The following ADARB2 variants were observed in gnomAD, a reference collection of about 807,000 sequenced individuals.
ADARB2 encodes the protein inactive double-stranded RNA-specific editase B2.
Under a neutral mutation model 62.2 loss-of-function variants are expected in ADARB2, and 25 were observed. The ratio of observed to expected loss-of-function variants is 0.40; its 90% CI spans 0.29 to 0.56. The LOEUF (loss-of-function observed/expected upper bound fraction) is 0.56, where lower values mean the gene tolerates loss of function less well. ADARB2 is among the 20% of genes least tolerant of loss of function. The pLI is 0.43. For missense variants in ADARB2, 1,071 were observed against 1,077.4 expected (o/e 0.99, Z 0.08); for synonymous variants, 572 against 500.8 (o/e 1.14, Z -1.90).
intron 8 of ADARB2, among the ~76,000 whole-genome samples, chr10:1,188,835 A>T (rs1276593944): frequency 6.6e-6 from 1 of 151,752 alleles, no homozygotes; most frequent in Non-Finnish European, 1.5e-5. Context: ...GCCGTTAATG[A>T]CTCTTTCCAT....
At chr10:1,204,509 G>A (rs1049936174) in intron 7 of ADARB2, among the ~76,000 whole-genome samples, 1 of 152,226 alleles carries the variant, frequency 6.6e-6, no homozygotes, top group African/African-American at 2.4e-5. Flanking sequence ...CACAGCTCTC[G>A]TGCCTCTGAA....
At chr10:1,304,019 TA>T (rs1158040517) in intron 3 of ADARB2, among the ~76,000 whole-genome samples, 1 of 152,004 alleles carries the variant, frequency 6.6e-6, no homozygotes, top group African/African-American at 2.4e-5. Flanking sequence ...AATTCACACA[TA>T]ACACTATTAA....
intron 3 of ADARB2, among the ~76,000 whole-genome samples, chr10:1,320,806 G>A (rs1426560834): frequency 6.6e-6 from 1 of 152,192 alleles, no homozygotes; most frequent in Non-Finnish European, 1.5e-5. Context: ...AATACAATGG[G>A]CCGGCAGGCA....
chr10:1,728,913 C>A (rs180794396), intron 1 of ADARB2, among the ~76,000 whole-genome samples: 2 of 152,336 alleles, frequency 1.3e-5, no homozygotes, highest in Admixed American at 6.5e-5. Context: ...ATTCCTCATG[C>A]TACTGTCTTG....
chr10:1,229,285 C>G (rs1014119175), intron 6 of ADARB2, among the ~76,000 whole-genome samples: 7 of 152,144 alleles, frequency 4.6e-5, no homozygotes, highest in African/African-American at 1.7e-4. Flanking sequence ...ACCCCAGGGC[C>G]CTTGTGTTGT....
At chr10:1,645,130 G>A (rs1423559941) in intron 1 of ADARB2, among the ~76,000 whole-genome samples, 2 of 152,224 alleles carry the variant, frequency 1.3e-5, no homozygotes, top group East Asian at 3.9e-4. Context: ...AGGGGATCTG[G>A]CCCCCTTTGC....
intron 1 of ADARB2, among the ~76,000 whole-genome samples, chr10:1,659,321 C>G (rs763084257): frequency 2.0e-5 from 3 of 152,178 alleles, no homozygotes; most frequent in Admixed American, 2.0e-4. Flanking sequence ...TGGCCTGCCC[C>G]GGGCTCCTCT....
At chr10:1,694,463 A>G (rs1834712398) in intron 1 of ADARB2, among the ~76,000 whole-genome samples, 1 of 152,162 alleles carries the variant, frequency 6.6e-6, no homozygotes, top group South Asian at 2.1e-4. Context: ...GTCTTAATTG[A>G]ACACAAATCA....
At chr10:1,648,232 G>A (rs550357447) in intron 1 of ADARB2, among the ~76,000 whole-genome samples, 1 of 152,286 alleles carries the variant, frequency 6.6e-6, no homozygotes, top group South Asian at 2.1e-4. Context: ...TTTCCCCTTT[G>A]CTTCCTAAAA....
At chr10:1,570,596 T>C (rs1404382842) in intron 1 of ADARB2, among the ~76,000 whole-genome samples, 2 of 152,238 alleles carry the variant, frequency 1.3e-5, no homozygotes, top group Non-Finnish European at 2.9e-5. Context: ...TCTTACATCA[T>C]TTCTCTCACC....
intron 8 of ADARB2, chr10:1,187,949 A>T (rs1214927647): frequency 3.3e-6 from 1 of 299,738 alleles, no homozygotes; most frequent in African/African-American, 2.1e-5. Context: ...ACTGTAAATC[A>T]TTCAGTTCTA....
At chr10:1,455,802 C>A (rs915402127) in intron 1 of ADARB2, among the ~76,000 whole-genome samples, 1 of 152,100 alleles carries the variant, frequency 6.6e-6, no homozygotes, top group African/African-American at 2.4e-5. Context: ...CAAAAGCAAG[C>A]GATTTTTATA....
At chr10:1,299,861 C>G (rs1374507717) in intron 3 of ADARB2, among the ~76,000 whole-genome samples, 1 of 152,242 alleles carries the variant, frequency 6.6e-6, no homozygotes, top group Non-Finnish European at 1.5e-5. Flanking sequence ...ACCCTGGCCT[C>G]TTCCCTGCTC....
intron 1 of ADARB2, among the ~76,000 whole-genome samples, chr10:1,694,305 A>G (rs1834710512): frequency 6.6e-6 from 1 of 152,256 alleles, no homozygotes; most frequent in Non-Finnish European, 1.5e-5. Flanking sequence ...AAATTGTTTC[A>G]TATATTAATT....
intron 1 of ADARB2, among the ~76,000 whole-genome samples, chr10:1,677,963 G>A (rs1026444058): frequency 2.0e-5 from 3 of 152,192 alleles, no homozygotes; most frequent in Non-Finnish European, 4.4e-5. Context: ...AGCAGAGAAC[G>A]ACCACATGGT....
intron 1 of ADARB2, 123 bp downstream of exon 1, chr10:1,736,928 A>G: frequency 1.0e-6 from 1 of 979,516 alleles, no homozygotes; most frequent in Non-Finnish European, 1.5e-6. Flanking sequence ...CGGAGCAGCC[A>G]TCCCGCCAGC....
intron 1 of ADARB2, among the ~76,000 whole-genome samples, chr10:1,530,230 C>T (rs943315783): frequency 6.6e-6 from 1 of 152,228 alleles, no homozygotes; most frequent in Non-Finnish European, 1.5e-5. Flanking sequence ...CCGACCGAAA[C>T]GCCCCTCTCA....
chr10:1,448,017 G>A (rs926192189), intron 1 of ADARB2, among the ~76,000 whole-genome samples: 1 of 152,166 alleles, frequency 6.6e-6, no homozygotes, highest in Non-Finnish European at 1.5e-5. Context: ...ATTTGCTATT[G>A]TGAATAGTGC....
At chr10:1,657,001 T>TG (rs1834179456) in intron 1 of ADARB2, among the ~76,000 whole-genome samples, 6 of 148,712 alleles carry the variant, frequency 4.0e-5, no homozygotes, top group Non-Finnish European at 6.0e-5. Flanking sequence ...ATCTAGTGTT[T>TG]TGTGTGTGTG....
Sources: gnomAD v4.1 joint callset for allele counts (sites outside exome capture counted in the v4.1 genomes callset) on GRCh38, gnomAD v4.1.1 for gene constraint, MANE v1.5 for transcripts, NCBI Gene and HGNC (gene_info 2026-07-23, HGNC 2026-07-21) for gene names.